The following LRRC9 variants were observed in gnomAD, a reference collection of about 807,000 sequenced individuals.
LRRC9 encodes the protein leucine-rich repeat-containing protein 9.
Under a neutral mutation model 63.2 loss-of-function variants are expected in LRRC9, and 122 were observed. That is an observed-to-expected ratio of 1.93 (90% confidence interval 1.67 to 2.24). LRRC9 has a LOEUF of 2.24. Ranked by LOEUF, LRRC9 falls within the 30% of genes most tolerant of loss-of-function variation. LRRC9 has a pLI of 0.00. For missense variants in LRRC9, 1,071 were observed against 627.7 expected (o/e 1.71, Z -7.55); for synonymous variants, 366 against 213.1 (o/e 1.72, Z -6.25).
At chr14:60,028,349 C>G (rs932601185) in intron 28 of LRRC9, among the ~76,000 whole-genome samples, 7 of 152,100 alleles carry the variant, frequency 4.6e-5, no homozygotes, top group African/African-American at 1.7e-4. Context: ...TGTTCTAAGG[C>G]TCTTCTCATC....
chr14:60,050,656 C>CTTTTTTGT (rs1893818182), intron 29 of LRRC9, among the ~76,000 whole-genome samples: 1 of 152,056 alleles, frequency 6.6e-6, no homozygotes, highest in South Asian at 2.1e-4. Context: ...GGCACTCTGG[C>CTTTTTTGT]TTTTTGTGTT....
rs745993726 is a variant in LRRC9 at position 60,042,758 on chromosome 14, G to A, written c.3991-10307G>A. Among the ~76,000 whole-genome samples the A allele has an allele frequency of 4.6e-5, 7 of 151,932 alleles. No individual in the cohort carries two copies. The highest frequency in any genetic ancestry group is 8.8e-5 in the Non-Finnish European group (6 of 67,920). ...GCTCCGTGGGCTGCACCTATTGTCCGACAAGCCCCAGTGAGATGAACACAG... is the reference window on the plus strand; with the variant it reads ...GCTCCGTGGGCTGCACCTATTGTCCAACAAGCCCCAGTGAGATGAACACAG... On this transcript the variant is annotated intron_variant, in intron 29 of 31. Transcript: ENST00000445360. This position sits in a 1 kb window ranked among gnomAD's most constrained non-coding sequence, Gnocchi z 4.2.
At chr14:60,061,247 T>G (rs1894639874) in intron 31 of LRRC9, among the ~76,000 whole-genome samples, 1 of 152,164 alleles carries the variant, frequency 6.6e-6, no homozygotes. Flanking sequence ...CAGAAATCTT[T>G]CATGAAAGGA....
chr14:60,022,388 G>C (rs1021920491), intron 26 of LRRC9, among the ~76,000 whole-genome samples: 4 of 151,362 alleles, frequency 2.6e-5, no homozygotes, highest in African/African-American at 9.7e-5. Flanking sequence ...GTAGTTTTTT[G>C]GTGGATCTTT....
chr14:59,923,227 G>A lies in LRRC9; in HGVS notation c.-34+3344G>A, dbSNP rs1182072989. On this transcript the variant is annotated intron_variant, in intron 1 of 31. Coordinates refer to ENST00000445360, the Ensembl canonical transcript of LRRC9. The surrounding 1 kb of genome is among the most constrained non-coding windows in gnomAD (Gnocchi z 4.2). ...CTAGCATCCTTGTGATTCAGAAATA[G>A]TTATACAACTTATAGAATTTGGGGT... is the stretch of plus-strand genomic sequence containing the variant. Among the ~76,000 whole-genome samples the A allele has an allele frequency of 6.6e-6, 1 of 152,162 alleles. No individual in the cohort carries two copies. The highest frequency in any genetic ancestry group is 2.4e-5 in the African/African-American group (1 of 41,448).
chr14:59,947,979 T>G (rs913976672), intron 8 of LRRC9, among the ~76,000 whole-genome samples: 9 of 151,946 alleles, frequency 5.9e-5, no homozygotes, highest in Admixed American at 3.3e-4. Context: ...TCAGATTGAC[T>G]TGGCGATGCA....
chr14:59,952,810 C>T (rs1282839779), intron 8 of LRRC9, among the ~76,000 whole-genome samples: 1 of 152,114 alleles, frequency 6.6e-6, no homozygotes, highest in Non-Finnish European at 1.5e-5. Flanking sequence ...CCTCCCCTTG[C>T]CCCCCACCTC....
At chr14:60,066,110 T>C (rs1300511614), downstream of LRRC9, among the ~76,000 whole-genome samples, 1 of 151,972 alleles carries the variant, frequency 6.6e-6, no homozygotes, top group African/African-American at 2.4e-5. Flanking sequence ...TGAGCCACCA[T>C]GCCTGGCCAT....
rs1280980145 is a variant in LRRC9, at chr14:60,042,894, T to C, written c.3991-10171T>C. Reference sequence around the variant, plus strand: ...TCTTGGAACCTCCCATGTATTGTCATTTTAACAATATTAATTATTCCAATC... The same window carrying C: ...TCTTGGAACCTCCCATGTATTGTCACTTTAACAATATTAATTATTCCAATC... On this transcript the variant is annotated intron_variant, in intron 29 of 31. Coordinates refer to ENST00000445360, the Ensembl canonical transcript of LRRC9. This position sits in a 1 kb window ranked among gnomAD's most constrained non-coding sequence, Gnocchi z 4.2. Among the ~76,000 whole-genome samples the C allele has an allele frequency of 6.6e-6, 1 of 152,232 alleles. No homozygotes were observed. Among genetic ancestry groups the C allele is most frequent in the Non-Finnish European group, 1.5e-5 (1 of 68,046 alleles).
At chr14:60,005,131 G>A (rs1889711215) in intron 21 of LRRC9, among the ~76,000 whole-genome samples, 1 of 151,982 alleles carries the variant, frequency 6.6e-6, no homozygotes, top group Non-Finnish European at 1.5e-5. Context: ...ATATATTTAA[G>A]AAAGCATACA....
At chr14:59,939,965 T>C (rs1182850767) in intron 7 of LRRC9, among the ~76,000 whole-genome samples, 1 of 151,976 alleles carries the variant, frequency 6.6e-6, no homozygotes, top group African/African-American at 2.4e-5. Context: ...GTGGACTGGA[T>C]GAGTCACCGA....
In LRRC9 at chr14:60,025,313, G is replaced by C. The variant is rs1891456450; in HGVS notation, c.3703+2443G>C. Among the ~76,000 whole-genome samples, 3 of 151,436 alleles carry C rather than the reference G, an allele frequency of 2.0e-5. No homozygotes were observed. The South Asian group carries it at 6.3e-4, about 32-fold the overall frequency. On this transcript the variant is annotated intron_variant, in intron 27 of 31. Coordinates refer to ENST00000445360, the Ensembl canonical transcript of LRRC9. ...TAAGGGGTCTCAATTTGTTACCCAG[G>C]CTGGTCTCAGACTCCTGGCCTTAAG...
downstream of LRRC9, among the ~76,000 whole-genome samples, chr14:60,065,993 A>C (rs939312349): frequency 8.5e-5 from 13 of 152,086 alleles, no homozygotes; most frequent in Admixed American, 7.2e-4. Flanking sequence ...TTTTAAAAAA[A>C]TTTTTGTAGA....
intron 19 of LRRC9, 86 bp from the exon 20 acceptor site, chr14:60,001,880 T>C (rs1174601051): frequency 2.3e-5 from 10 of 439,114 alleles, no homozygotes; most frequent in Non-Finnish European, 4.0e-6. Context: ...CCACTCATCT[T>C]CCCTGGAAAC....
At chr14:59,973,798 A>G (rs1885800915) in intron 12 of LRRC9, among the ~76,000 whole-genome samples, 1 of 152,122 alleles carries the variant, frequency 6.6e-6, no homozygotes, top group African/African-American at 2.4e-5. Flanking sequence ...TGCAGATTTC[A>G]ATTAAAAAAA....
At chr14:60,065,055 T>A (rs1894851140), downstream of LRRC9, among the ~76,000 whole-genome samples, 1 of 152,210 alleles carries the variant, frequency 6.6e-6, no homozygotes. Flanking sequence ...TGTTAAATTT[T>A]GAGCTATTTA....
At chr14:60,061,902 T>C in intron 31 of LRRC9, 109 bp from the exon 32 acceptor site, 1 of 395,964 alleles carries the variant, frequency 2.5e-6, no homozygotes, top group Non-Finnish European at 4.4e-6. Flanking sequence ...ATGTATTGCA[T>C]ACATTCCGCT....
intron 8 of LRRC9, among the ~76,000 whole-genome samples, chr14:59,951,783 G>A (rs1417202686): frequency 6.6e-6 from 1 of 151,368 alleles, no homozygotes; most frequent in African/African-American, 2.5e-5. Context: ...TGCCCCTGCT[G>A]GGGGGTAGGC....
chr14:59,998,187 C>G (rs937818379), intron 18 of LRRC9, among the ~76,000 whole-genome samples: 1 of 151,746 alleles, frequency 6.6e-6, no homozygotes, highest in African/African-American at 2.4e-5. Context: ...TCATAGGAAC[C>G]AAGAATAATA....
Sources: gnomAD v4.1 joint callset for allele counts (sites outside exome capture counted in the v4.1 genomes callset) on GRCh38, gnomAD v4.1.1 for gene constraint, Gnocchi (gnomAD v3.1) non-coding constraint, MANE v1.5 for transcripts, NCBI Gene and HGNC (gene_info 2026-07-23, HGNC 2026-07-21) for gene names.